NMNAT3: variants seen among roughly 807,000 people sequenced by gnomAD.
NMNAT3 encodes nicotinamide nucleotide adenylyltransferase 3.
Under a neutral mutation model 24.8 loss-of-function variants are expected in NMNAT3, and 21 were observed. That is an observed-to-expected ratio of 0.85 (90% CI 0.60 to 1.22). The LOEUF is 1.22. Among genes scored for constraint, NMNAT3 ranks in the 50% most tolerant of loss-of-function variants. The pLI, the probability that NMNAT3 is intolerant of heterozygous loss-of-function variation, is 0.00. For synonymous variants in NMNAT3, 136 were observed against 155.2 expected, an observed-to-expected ratio of 0.88 and a Z score of 0.92; for missense variants, 387 against 436.6, an observed-to-expected ratio of 0.89 and a Z score of 1.01.
chr3:139,562,432 G>A (rs893526877), intron 6 of NMNAT3, among the ~76,000 whole-genome samples: 1 of 152,178 alleles, frequency 6.6e-6, no homozygotes, highest in African/African-American at 2.4e-5. Flanking sequence ...ACAAGCTGCA[G>A]GGTCTCTGAT....
intron 3 of NMNAT3, among the ~76,000 whole-genome samples, chr3:139,591,622 G>A (rs2054185150): frequency 6.6e-6 from 1 of 152,214 alleles, no homozygotes; most frequent in African/African-American, 2.4e-5. Flanking sequence ...CTGGAGATCT[G>A]AGAACGGGCA....
intron 1 of NMNAT3, among the ~76,000 whole-genome samples, chr3:139,677,261 G>A (rs1271546027): frequency 6.6e-6 from 1 of 152,110 alleles, no homozygotes; most frequent in South Asian, 2.1e-4. Flanking sequence ...ATTTGCTGTC[G>A]GTCTCCCCCC....
chr3:139,576,741 GA>G (rs752462192), intron 5 of NMNAT3, among the ~76,000 whole-genome samples: 3 of 152,080 alleles, frequency 2.0e-5, no homozygotes, highest in Non-Finnish European at 4.4e-5. Context: ...AGCAACACAA[GA>G]ATAAAGGAGT....
chr3:139,673,111 C>A (rs2057811015), intron 1 of NMNAT3, among the ~76,000 whole-genome samples: 1 of 152,196 alleles, frequency 6.6e-6, no homozygotes, highest in African/African-American at 2.4e-5. Context: ...GAGACTCAGC[C>A]TGGTGTGCCC....
chr3:139,617,332 T>C (rs2055554750), intron 3 of NMNAT3, among the ~76,000 whole-genome samples: 1 of 152,134 alleles, frequency 6.6e-6, no homozygotes, highest in South Asian at 2.1e-4. Context: ...CAATAAAAGA[T>C]AAGGTGAATG....
chr3:139,561,513 G>T, intron 6 of NMNAT3, 121 bp from the exon 7 acceptor site: 1 of 899,534 alleles, frequency 1.1e-6, no homozygotes, highest in Non-Finnish European at 1.7e-6. Context: ...GTGTCTCCAT[G>T]TTCATGACTT....
At chr3:139,623,666 C>A (rs180927503) in intron 3 of NMNAT3, among the ~76,000 whole-genome samples, 1 of 152,142 alleles carries the variant, frequency 6.6e-6, no homozygotes, top group South Asian at 2.1e-4. Context: ...TCACTGCAAC[C>A]TCTGCCTCCC....
chr3:139,579,767 C>G (rs909861407), intron 4 of NMNAT3, among the ~76,000 whole-genome samples: 1 of 152,288 alleles, frequency 6.6e-6, no homozygotes, highest in Middle Eastern at 3.4e-3. Context: ...CCTAGTCTAT[C>G]TTGACAAATA....
At chr3:139,650,280 A>G (rs867792196) in intron 1 of NMNAT3, among the ~76,000 whole-genome samples, 7 of 152,328 alleles carry the variant, frequency 4.6e-5, no homozygotes, top group Middle Eastern at 3.4e-3. Flanking sequence ...ATGACTCCTT[A>G]TTACAAATTT....
chr3:139,652,210 C>T (rs1041913429), intron 1 of NMNAT3, among the ~76,000 whole-genome samples: 31 of 152,172 alleles, frequency 2.0e-4, no homozygotes, highest in East Asian at 1.9e-4. Flanking sequence ...TGCAGCAGCC[C>T]GGGGCTGTAA....
At chr3:139,633,050 C>T (rs2056360445) in intron 2 of NMNAT3, among the ~76,000 whole-genome samples, 1 of 152,150 alleles carries the variant, frequency 6.6e-6, no homozygotes, top group Non-Finnish European at 1.5e-5. Flanking sequence ...CCAAGCAATG[C>T]AAACGGCCCC....
At chr3:139,592,248 G>T (rs528860873) in intron 3 of NMNAT3, among the ~76,000 whole-genome samples, 2 of 152,180 alleles carry the variant, frequency 1.3e-5, no homozygotes. Context: ...ATGAAATGAA[G>T]TGAGAAGGGA....
At chr3:139,599,631 C>G (rs1272187476) in intron 3 of NMNAT3, among the ~76,000 whole-genome samples, 1 of 152,200 alleles carries the variant, frequency 6.6e-6, no homozygotes, top group Non-Finnish European at 1.5e-5. Context: ...AACCTCGCCT[C>G]TAAGTGAAGC....
intron 3 of NMNAT3, among the ~76,000 whole-genome samples, chr3:139,596,003 C>G (rs2054436897): frequency 6.6e-6 from 1 of 152,176 alleles, no homozygotes; most frequent in African/African-American, 2.4e-5. Flanking sequence ...GCAAAAGAAA[C>G]TACCATCAGA....
In NMNAT3 at chr3:139,638,396, A is replaced by C. The variant is rs146209686; in HGVS notation, c.-140-334T>G. 1.5e-3 allele frequency among the ~76,000 whole-genome samples: 235 copies of C among 152,276 alleles called. 1 individual carries two copies. Among genetic ancestry groups the C allele is most frequent in the African/African-American group, 5.1e-3 (214 of 41,572 alleles). Reference sequence around the variant, plus strand: ...CATCCCAAGGCCCCCACTCCAGTCTAACAGTGGGCAATATGCCACATTTAG... The same window carrying C: ...CATCCCAAGGCCCCCACTCCAGTCTCACAGTGGGCAATATGCCACATTTAG... On this transcript the variant is annotated intron_variant, in intron 1 of 6. Coordinates refer to ENST00000643695, the MANE Select transcript of NMNAT3 (RefSeq NM_001320510.2).
At chr3:139,563,600 C>G (rs1205572395) in intron 6 of NMNAT3, among the ~76,000 whole-genome samples, 1 of 152,132 alleles carries the variant, frequency 6.6e-6, no homozygotes, top group Non-Finnish European at 1.5e-5. Context: ...CTCCCCTGCC[C>G]CCCAAATCAA....
intron 1 of NMNAT3, among the ~76,000 whole-genome samples, chr3:139,671,325 A>C (rs1185853939): frequency 6.6e-6 from 1 of 152,158 alleles, no homozygotes; most frequent in Non-Finnish European, 1.5e-5. Flanking sequence ...AGTACTACAT[A>C]ATACTCCATC....
rs550074368 is a variant in NMNAT3, at chr3:139,588,717, C to T, written c.110-5509G>A. Among the ~76,000 whole-genome samples, 119 of 152,286 alleles carry T rather than the reference C, an allele frequency of 7.8e-4. 2 individuals are homozygous for T. The highest frequency in any genetic ancestry group is 2.6e-3 in the African/African-American group (107 of 41,564). ...ATCCACCCCAGCCTCTAATCGCCTA[C>T]GTTATCCTCCCATTGTGGCAGAAGG... On this transcript the variant is annotated intron_variant, in intron 3 of 6. Coordinates refer to ENST00000643695, the MANE Select transcript of NMNAT3 (RefSeq NM_001320510.2).
At chr3:139,628,646 A>T (rs746849105) in intron 2 of NMNAT3, among the ~76,000 whole-genome samples, 1 of 152,160 alleles carries the variant, frequency 6.6e-6, no homozygotes, top group Non-Finnish European at 1.5e-5. Flanking sequence ...GAAACAGCCC[A>T]GGCTCCAGGG....
Sources: gnomAD v4.1 joint callset for allele counts (sites outside exome capture counted in the v4.1 genomes callset) on GRCh38, gnomAD v4.1.1 for gene constraint, MANE v1.5 for transcripts, NCBI Gene and HGNC (gene_info 2026-07-23, HGNC 2026-07-21) for gene names.